SHC4: variants seen among roughly 807,000 people sequenced by gnomAD.
SHC4 encodes SHC-transforming protein 4.
A neutral mutation model predicts 69.4 loss-of-function variants in SHC4; 41 were observed. The observed-to-expected ratio is 0.59, with a 90% CI of 0.46 to 0.77. The LOEUF is 0.77. Ranked by LOEUF, SHC4 falls within the 30% of genes least tolerant of loss-of-function variation. SHC4 has a pLI of 0.00. For missense variants in SHC4, 777 were observed against 783.8 expected, an observed-to-expected ratio of 0.99 and a Z score of 0.10; for synonymous variants, 318 against 299.3, an observed-to-expected ratio of 1.06 and a Z score of -0.64.
Position 48,867,893 on chromosome 15 carries a change from T to G in SHC4, c.895-24A>C. ...TCCTATAAAAAAGGGAAAATGACTG[T>G]ATTTAAAATGGATGAACTGTACTGT... On this transcript the variant is annotated intron_variant, in intron 5 of 11. Coordinates refer to ENST00000332408, the MANE Select transcript of SHC4 (RefSeq NM_203349.4). 2.5e-6 allele frequency: 4 copies of G among 1,589,806 alleles called. No individual in the cohort carries two copies. The South Asian group carries it at 4.4e-5, about 18-fold the overall frequency.
chr15:48,932,217 C>G (rs1395855424), intron 1 of SHC4, among the ~76,000 whole-genome samples: 1 of 152,092 alleles, frequency 6.6e-6, no homozygotes, highest in African/African-American at 2.4e-5. Context: ...CTCCCAAGAC[C>G]CCCATCCTTA....
chr15:48,947,955 C>T (rs1901303553), intron 1 of SHC4: 1 of 152,190 alleles, frequency 6.6e-6, no homozygotes, highest in South Asian at 2.1e-4. Context: ...TCAAAACTCA[C>T]ATGTTTTGGC....
chr15:48,872,011 T>C, intron 5 of SHC4, 78 bp downstream of exon 5: 2 of 893,824 alleles, frequency 2.2e-6, no homozygotes, highest in Non-Finnish European at 3.5e-6. Flanking sequence ...AAAGTTATTT[T>C]ATTTTATTAT....
At chr15:48,943,512 T>C (rs956667644) in intron 1 of SHC4, among the ~76,000 whole-genome samples, 6 of 152,198 alleles carry the variant, frequency 3.9e-5, no homozygotes, top group African/African-American at 1.4e-4. Flanking sequence ...CAGTGGATAC[T>C]TTGGTTGTTT....
intron 11 of SHC4, among the ~76,000 whole-genome samples, chr15:48,834,219 A>G (rs918484762): frequency 5.3e-5 from 8 of 152,112 alleles, no homozygotes; most frequent in African/African-American, 1.7e-4. Context: ...CTCTGTCTGC[A>G]CCTATGGTTC....
chr15:48,951,180 C>T (rs1448137488), intron 1 of SHC4, among the ~76,000 whole-genome samples: 1 of 152,128 alleles, frequency 6.6e-6, no homozygotes, highest in African/African-American at 2.4e-5. Context: ...AGATTTCCAC[C>T]TGGATGCTTT....
chr15:48,941,071 C>T (rs761346090), intron 1 of SHC4, among the ~76,000 whole-genome samples: 1 of 152,176 alleles, frequency 6.6e-6, no homozygotes, highest in Non-Finnish European at 1.5e-5. Flanking sequence ...ATTCCAACTC[C>T]TCTACTTTTT....
chr15:48,877,822 G>T (rs988341527), intron 4 of SHC4: 3 of 189,824 alleles, frequency 1.6e-5, no homozygotes, highest in Admixed American at 5.4e-5. Context: ...AAGAGGAAGG[G>T]GGGGAAGGAG....
intron 4 of SHC4, among the ~76,000 whole-genome samples, chr15:48,882,955 C>CTAGTTGG (rs1899971079): frequency 6.6e-6 from 1 of 152,166 alleles, no homozygotes; most frequent in Non-Finnish European, 1.5e-5. Flanking sequence ...GAAGATCAGT[C>CTAGTTGG]AGGACCCAAC....
intron 4 of SHC4, chr15:48,878,131 T>G: frequency 2.0e-6 from 3 of 1,510,882 alleles, no homozygotes; most frequent in Non-Finnish European, 2.7e-6. Flanking sequence ...CCGCGCAGCA[T>G]CTGTCTTGCT....
chr15:48,940,470 C>T (rs1470765186), intron 1 of SHC4, among the ~76,000 whole-genome samples: 1 of 152,126 alleles, frequency 6.6e-6, no homozygotes, highest in Non-Finnish European at 1.5e-5. Flanking sequence ...TCTGTGTATT[C>T]ACAAATGAGA....
At chr15:48,901,165 T>C (rs1900312643) in intron 2 of SHC4, among the ~76,000 whole-genome samples, 1 of 152,232 alleles carries the variant, frequency 6.6e-6, no homozygotes. Context: ...CATTCTTGGC[T>C]GACAAGGTGG....
chr15:48,865,438 T>C (rs1261917859), intron 6 of SHC4, among the ~76,000 whole-genome samples: 1 of 152,190 alleles, frequency 6.6e-6, no homozygotes, highest in Non-Finnish European at 1.5e-5. Flanking sequence ...CCTATGTTAC[T>C]AAGTTATCTT....
rs373511733 is a variant in SHC4, at chr15:48,963,018, C to A, written c.-3G>T. 2 of 1,599,568 alleles carry A rather than the reference C, an allele frequency of 1.3e-6. No homozygotes were observed. The highest frequency in any genetic ancestry group is 1.3e-5 in the African/African-American group (1 of 74,674). On this transcript the variant is annotated 5_prime_UTR_variant, in exon 1 of 12. Coordinates refer to ENST00000332408, the MANE Select transcript of SHC4 (RefSeq NM_203349.4). ...CTGTCCTGGCCGCGTTCTCGCATAGCCTTGGCAGTGCTGAAACAGGATACT... is the reference window on the plus strand; with the variant it reads ...CTGTCCTGGCCGCGTTCTCGCATAGACTTGGCAGTGCTGAAACAGGATACT...
chr15:48,835,128 G>T, intron 10 of SHC4, 106 bp from the exon 11 acceptor site: 1 of 1,376,508 alleles, frequency 7.3e-7, no homozygotes, highest in Non-Finnish European at 9.7e-7. Flanking sequence ...CTGTGTGCCA[G>T]CCATTGTTTA....
chr15:48,860,208 C>A (rs1899414175), intron 6 of SHC4, among the ~76,000 whole-genome samples: 1 of 151,964 alleles, frequency 6.6e-6, no homozygotes, highest in Non-Finnish European at 1.5e-5. Flanking sequence ...CGTAAATTCC[C>A]AGTCCAATTA....
chr15:48,858,575 G>A (rs2140984663), intron 6 of SHC4, among the ~76,000 whole-genome samples: 1 of 152,312 alleles, frequency 6.6e-6, no homozygotes, highest in Non-Finnish European at 1.5e-5. Flanking sequence ...AAATGAGTAA[G>A]CAAATCTGCT....
At chr15:48,834,647 A>C (rs549882566) in intron 11 of SHC4, 122 bp downstream of exon 11, 1 of 1,396,700 alleles carries the variant, frequency 7.2e-7, no homozygotes, top group South Asian at 1.4e-5. Context: ...TCCAGCTGGA[A>C]GGTTCCAGAA....
At chr15:48,950,522 A>T (rs961991502) in intron 1 of SHC4, among the ~76,000 whole-genome samples, 1 of 152,154 alleles carries the variant, frequency 6.6e-6, no homozygotes, top group African/African-American at 2.4e-5. Context: ...GAGTTTCCCA[A>T]CCTGTGTTTC....
Sources: allele counts gnomAD v4.1 joint callset (sites outside exome capture counted in the v4.1 genomes callset), GRCh38; gene constraint gnomAD v4.1.1; transcripts MANE v1.5; gene names NCBI Gene and HGNC (gene_info 2026-07-23, HGNC 2026-07-21).